The following SLC1A7 variants were observed in gnomAD, a reference collection of about 807,000 sequenced individuals.
SLC1A7 encodes the protein excitatory amino acid transporter 5.
SLC1A7 carries 40 observed loss-of-function variants against 47.7 expected under a neutral mutation model. The ratio of observed to expected loss-of-function variants is 0.84; its 90% confidence interval spans 0.65 to 1.09. The LOEUF (loss-of-function observed/expected upper bound fraction) is 1.09, where lower values mean the gene tolerates loss of function less well. SLC1A7 is among the 50% of genes least tolerant of loss of function. The pLI, the probability that SLC1A7 is intolerant of heterozygous loss-of-function variation, is 0.00. For synonymous variants in SLC1A7, 323 were observed against 325.6 expected (o/e 0.99, Z 0.09); for missense variants, 746 against 769.5 (o/e 0.97, Z 0.36).
chr1:53,122,929 G>GAGAGTGTGGGGCTC (rs1553164326), intron 2 of SLC1A7, among the ~76,000 whole-genome samples: 1 of 152,200 alleles, frequency 6.6e-6, no homozygotes, highest in Non-Finnish European at 1.5e-5. Context: ...GAAGGTGGGA[G>GAGAGTGTGGGGCTC]AGAGTGTGGG....
intron 2 of SLC1A7, among the ~76,000 whole-genome samples, chr1:53,133,670 C>T (rs940474268): frequency 2.6e-5 from 4 of 152,170 alleles, no homozygotes; most frequent in African/African-American, 4.8e-5. Flanking sequence ...TCACCTAGCA[C>T]ATCAGTGAAA....
chr1:53,115,945 T>A (rs1644756136), intron 2 of SLC1A7: 1 of 150,936 alleles, frequency 6.6e-6, no homozygotes, highest in Admixed American at 6.6e-5. Flanking sequence ...CGGTGGGGGG[T>A]GTGGGGTGAA....
At position 53,141,596 on chromosome 1, in the gene SLC1A7, G is replaced by A. The variant is rs185225135; in HGVS notation, c.135+719C>T. On this transcript the variant is annotated intron_variant, in intron 1 of 10. Coordinates refer to ENST00000371494, the MANE Select transcript of SLC1A7 (RefSeq NM_006671.6). ...TGGCAGTTACACAGGCTGGAAACCCGGGGCCTGGCTCCCCTTCCTGTCCCC... is the reference window on the plus strand; with the variant it reads ...TGGCAGTTACACAGGCTGGAAACCCAGGGCCTGGCTCCCCTTCCTGTCCCC... Among the ~76,000 whole-genome samples, 161 of 152,150 alleles carry A rather than the reference G, an allele frequency of 1.1e-3. 1 individual carries two copies. The highest frequency in any genetic ancestry group is 3.5e-3 in the African/African-American group (144 of 41,498).
At chr1:53,140,480 A>G (rs1645046448) in intron 1 of SLC1A7, among the ~76,000 whole-genome samples, 1 of 152,180 alleles carries the variant, frequency 6.6e-6, no homozygotes. Flanking sequence ...AAAAAAAACA[A>G]ACCCATATGT....
chr1:53,137,118 C>T (rs1463080324), intron 1 of SLC1A7, among the ~76,000 whole-genome samples: 3 of 152,056 alleles, frequency 2.0e-5, no homozygotes, highest in East Asian at 3.9e-4. Flanking sequence ...AAAACCCCAT[C>T]TCTACTAAAA....
intron 3 of SLC1A7, among the ~76,000 whole-genome samples, chr1:53,111,514 G>A (rs1472920620): frequency 6.6e-6 from 1 of 152,208 alleles, no homozygotes; most frequent in Non-Finnish European, 1.5e-5. Flanking sequence ...TGGAGTGGGC[G>A]GCAATGGCGG....
chr1:53,115,188 C>T, intron 2 of SLC1A7: 3 of 596,606 alleles, frequency 5.0e-6, no homozygotes, highest in South Asian at 2.0e-5. Context: ...ACATCTGTGC[C>T]TTGAGACCTC....
At chr1:53,137,299 A>AAAAAAAAAAGG in intron 1 of SLC1A7, among the ~76,000 whole-genome samples, 1 of 139,694 alleles carries the variant, frequency 7.2e-6, no homozygotes, top group Non-Finnish European at 1.5e-5. Flanking sequence ...AAAAAAAAAA[A>AAAAAAAAAAGG]GTGCTCTACT....
Position 53,134,361 on chromosome 1 carries a change from C to CAGTG in SLC1A7, c.200_203dup (p.Val69ThrfsTer19). On this transcript the variant is annotated frameshift_variant, in exon 2 of 11. Coordinates refer to ENST00000371494, the MANE Select transcript of SLC1A7 (RefSeq NM_006671.6). LOFTEE classifies it high-confidence loss of function. ...ACCCCCGCTCTCACCTGGAGACCAC[C>CAGTG]AGTGGCAGGATCATCATCTTCAGCA... The CAGTG allele has an allele frequency of 6.2e-7, 1 of 1,613,020 alleles. No homozygotes were observed. The highest frequency in any genetic ancestry group is 8.5e-7 in the Non-Finnish European group (1 of 1,179,414).
chr1:53,134,396 G>C lies in SLC1A7; in HGVS notation c.169C>G (p.Leu57Val). The C allele has an allele frequency of 6.2e-7, 1 of 1,613,410 alleles. No homozygotes were observed. The highest frequency in any genetic ancestry group is 8.5e-7 in the Non-Finnish European group (1 of 1,179,682). Residue 57 changes from leucine (L) to valine (V), a missense_variant, in exon 2 of 11, where the codon CTG becomes GTG. By Grantham distance (32) the Leu-to-Val change is conservative (BLOSUM62 1). Transcript: ENST00000371494. ...ATCATCATCTTCAGCATCCTCATCA[G>C]GAGCTCTCCAGGGAACTGGAAGTAA... The part of the protein sequence containing the change: ...ISYFQFPGEL[L>V]MRMLKMMILP...
intron 5 of SLC1A7, among the ~76,000 whole-genome samples, chr1:53,099,182 CACATAACCTGCCTTGGTACACTCAT>C (rs1644538494): frequency 7.1e-5 from 2 of 28,050 alleles, no homozygotes; most frequent in African/African-American, 9.5e-5. Context: ...TTGGTACACT[CACATAACCTGCCTTGGTACACTCAT>C]ACACACCGCC....
At chr1:53,101,180 A>G (rs1225507372) in intron 5 of SLC1A7, among the ~76,000 whole-genome samples, 1 of 147,818 alleles carries the variant, frequency 6.8e-6, no homozygotes, top group African/African-American at 2.5e-5. Context: ...GCCTCGGAAC[A>G]CTCACACAAA....
In SLC1A7 at chr1:53,092,773, C is replaced by A. The variant is rs1244721661; in HGVS notation, c.812G>T (p.Gly271Val). 3 of 1,612,718 alleles carry A rather than the reference C, an allele frequency of 1.9e-6. No homozygotes were observed. The highest frequency in any genetic ancestry group is 3.3e-5 in the Admixed American group (2 of 60,034). Reference protein sequence around the residue: ...VAVAVWYFPFGIVFLIAGKIL... With the variant: ...VAVAVWYFPFVIVFLIAGKIL... The stretch of plus-strand genomic sequence containing the variant: ...CTTACCCGCAATGAGGAACACAATG[C>A]CGAAGGGGAAATACCTGGGGGCGGC... Residue 271 changes from glycine (G) to valine (V), a missense_variant, in exon 7 of 11, where the codon GGC becomes GTC. Gly to Val is a moderately radical substitution (Grantham distance 109). Coordinates refer to ENST00000371494, the MANE Select transcript of SLC1A7 (RefSeq NM_006671.6).
At position 53,093,528 on chromosome 1, in the gene SLC1A7, C is replaced by A; in HGVS notation, c.730G>T (p.Ala244Ser). 6.2e-7 allele frequency: 1 copy of A among 1,608,762 alleles called. No individual in the cohort carries two copies. Reference protein sequence around the residue: ...IMLGRMGDSGAPLVSFCQCLN... With the variant: ...IMLGRMGDSGSPLVSFCQCLN... Reference sequence around the variant, plus strand: ...CACTGGCAGAAGCTGACCAGGGGGGCCCCGCTGTCACCCATGCGGCCCAGC... The same window carrying A: ...CACTGGCAGAAGCTGACCAGGGGGGACCCGCTGTCACCCATGCGGCCCAGC... Residue 244 changes from alanine (A) to serine (S), a missense_variant, in exon 6 of 11, where the codon GCC becomes TCC. Ala to Ser is a moderately conservative substitution (Grantham distance 99). Coordinates refer to ENST00000371494, the MANE Select transcript of SLC1A7 (RefSeq NM_006671.6).
intron 5 of SLC1A7, among the ~76,000 whole-genome samples, chr1:53,098,770 C>T (rs1644532605): frequency 6.7e-6 from 1 of 149,380 alleles, no homozygotes; most frequent in Non-Finnish European, 1.5e-5. Flanking sequence ...ACTCACACAA[C>T]TTTCTTCGGT....
At chr1:53,140,456 AC>A (rs1362620399) in intron 1 of SLC1A7, among the ~76,000 whole-genome samples, 4 of 146,546 alleles carry the variant, frequency 2.7e-5, no homozygotes, top group Non-Finnish European at 6.0e-5. Context: ...GGCTAGGCTC[AC>A]GTTTTGGTTA....
chr1:53,092,911 C>CTG (rs34983198), intron 6 of SLC1A7, 124 bp from the exon 7 acceptor site: 650,058 of 658,972 alleles, frequency 0.99, 321,145 homozygotes, highest in East Asian at 1. Context: ...CAGAGCGAGA[C>CTG]TGCCAAGGTG....
intron 6 of SLC1A7, among the ~76,000 whole-genome samples, chr1:53,093,002 C>T (rs766536768): frequency 2.0e-5 from 3 of 152,168 alleles, no homozygotes; most frequent in Non-Finnish European, 2.9e-5. Flanking sequence ...GCCACTCCTT[C>T]CCCCGCCCTG....
chr1:53,090,362 C>T, intron 8 of SLC1A7: 1 of 590,196 alleles, frequency 1.7e-6, no homozygotes, highest in Non-Finnish European at 2.9e-6. Flanking sequence ...CCTTCGTTGG[C>T]TCCTGCCACA....
Sources: allele counts gnomAD v4.1 joint callset (sites outside exome capture counted in the v4.1 genomes callset), GRCh38; gene constraint gnomAD v4.1.1; transcripts MANE v1.5; gene names NCBI Gene and HGNC (gene_info 2026-07-23, HGNC 2026-07-21).